Variants in LRRC28 observed in about 807,000 individuals in gnomAD.
The protein encoded by LRRC28 is leucine rich repeat containing 28.
In LRRC28, 39 loss-of-function variants were observed where a neutral mutation model predicts 45.7. The ratio of observed to expected loss-of-function variants is 0.85; its 90% CI spans 0.66 to 1.12. LRRC28 has a LOEUF of 1.12. Among genes scored for constraint, LRRC28 ranks in the 50% most tolerant of loss-of-function variants. The pLI, the probability that LRRC28 is intolerant of heterozygous loss-of-function variation, is 0.00. For synonymous variants in LRRC28, 206 were observed against 178.8 expected, an observed-to-expected ratio of 1.15 and a Z score of -1.22; for missense variants, 435 against 438.5, an observed-to-expected ratio of 0.99 and a Z score of 0.07.
At chr15:99,339,592 G>A (rs537938738) in intron 6 of LRRC28, among the ~76,000 whole-genome samples, 34 of 152,170 alleles carry the variant, frequency 2.2e-4, no homozygotes, top group African/African-American at 7.2e-4. Context: ...TTAGCTGGGT[G>A]TGGTGGCAGA....
Position 99,298,741 on chromosome 15 carries a change from C to A in LRRC28, c.385+10790C>A, listed in dbSNP as rs113270110. On this transcript the variant is annotated intron_variant, in intron 5 of 9. Transcript: ENST00000301981. Reference sequence around the variant, plus strand: ...GGTCTAATTGTGAGATGGAGTCTCGCTCTGTTGCGCAGGCTGGAGTGCAGT... The same window carrying A: ...GGTCTAATTGTGAGATGGAGTCTCGATCTGTTGCGCAGGCTGGAGTGCAGT... Among the ~76,000 whole-genome samples the A allele has an allele frequency of 7.9e-5, 12 of 152,280 alleles. 2 individuals carry two copies. Among genetic ancestry groups the A allele is most frequent in the African/African-American group, 2.9e-4 (12 of 41,558 alleles).
chr15:99,379,238 A>T (rs1957740746), intron 9 of LRRC28, among the ~76,000 whole-genome samples: 1 of 152,092 alleles, frequency 6.6e-6, no homozygotes, highest in Non-Finnish European at 1.5e-5. Flanking sequence ...GTACTCTGGG[A>T]TTCAACTTCT....
chr15:99,270,142 C>T (rs1478443901), intron 2 of LRRC28, among the ~76,000 whole-genome samples: 3 of 152,182 alleles, frequency 2.0e-5, no homozygotes, highest in African/African-American at 7.2e-5. Flanking sequence ...TGCTCAGAAG[C>T]AATGACATCA....
chr15:99,302,094 T>C (rs1390009828), intron 5 of LRRC28, among the ~76,000 whole-genome samples: 1 of 151,606 alleles, frequency 6.6e-6, no homozygotes, highest in South Asian at 2.1e-4. Flanking sequence ...AGGCGCGATC[T>C]CAGCTCACTG....
intron 1 of LRRC28, among the ~76,000 whole-genome samples, chr15:99,253,505 G>A (rs1229498483): frequency 6.6e-6 from 1 of 152,188 alleles, no homozygotes; most frequent in Non-Finnish European, 1.5e-5. Context: ...GTGCTGTTAG[G>A]GGTTTAGTAG....
intron 5 of LRRC28, among the ~76,000 whole-genome samples, chr15:99,292,207 C>T (rs529101907): frequency 1.3e-4 from 20 of 152,180 alleles, no homozygotes; most frequent in Non-Finnish European, 4.4e-5. Context: ...TACTGCCTAT[C>T]CTCCAGGTTT....
intron 6 of LRRC28, among the ~76,000 whole-genome samples, chr15:99,348,246 G>T (rs1372253776): frequency 6.6e-6 from 1 of 151,974 alleles, no homozygotes; most frequent in African/African-American, 2.4e-5. Context: ...TTTGTTAATT[G>T]TTTTCTTTGC....
At chr15:99,298,612 AT>A (rs1028970441) in intron 5 of LRRC28, among the ~76,000 whole-genome samples, 1 of 152,198 alleles carries the variant, frequency 6.6e-6, no homozygotes, top group African/African-American at 2.4e-5. Flanking sequence ...GAATGGGGAC[AT>A]TTTTAAAAAC....
intron 2 of LRRC28, among the ~76,000 whole-genome samples, chr15:99,271,346 T>C (rs1567612256): frequency 6.6e-6 from 1 of 152,018 alleles, no homozygotes; most frequent in Non-Finnish European, 1.5e-5. Flanking sequence ...TGGCACCATC[T>C]TGGCTCACTG....
intron 5 of LRRC28, among the ~76,000 whole-genome samples, chr15:99,296,793 G>A (rs1474223840): frequency 6.6e-6 from 1 of 152,108 alleles, no homozygotes; most frequent in Admixed American, 6.5e-5. Context: ...CTTAAAGGGA[G>A]CTTATAATAT....
At chr15:99,324,043 A>G (rs1166016968) in intron 5 of LRRC28, among the ~76,000 whole-genome samples, 1 of 152,178 alleles carries the variant, frequency 6.6e-6, no homozygotes, top group Non-Finnish European at 1.5e-5. Flanking sequence ...TCTTTTATTT[A>G]TTTGTACAGT....
At chr15:99,286,598 G>GCAC (rs1307194226) in intron 3 of LRRC28, 1 of 152,226 alleles carries the variant, frequency 6.6e-6, no homozygotes, top group African/African-American at 2.4e-5. Context: ...ATTGCAGGAA[G>GCAC]TCTCCACCAG....
intron 6 of LRRC28, among the ~76,000 whole-genome samples, chr15:99,348,124 GTT>G (rs1956754787): frequency 6.6e-6 from 1 of 151,932 alleles, no homozygotes; most frequent in Non-Finnish European, 1.5e-5. Context: ...TAATTGAGTT[GTT>G]TTTCTGCTAT....
At chr15:99,378,584 G>A (rs1398863759) in intron 9 of LRRC28, among the ~76,000 whole-genome samples, 2 of 152,180 alleles carry the variant, frequency 1.3e-5, no homozygotes, top group Non-Finnish European at 2.9e-5. Flanking sequence ...GTGTTGAATA[G>A]GAGTGGTGAG....
intron 5 of LRRC28, among the ~76,000 whole-genome samples, chr15:99,303,170 T>C (rs1955045538): frequency 6.6e-6 from 1 of 152,248 alleles, no homozygotes; most frequent in South Asian, 2.1e-4. Context: ...GTCTTTTTTA[T>C]GGTAGCTATT....
At chr15:99,309,265 C>A (rs553811107) in intron 5 of LRRC28, among the ~76,000 whole-genome samples, 1 of 152,290 alleles carries the variant, frequency 6.6e-6, no homozygotes, top group African/African-American at 2.4e-5. Flanking sequence ...ATTTGTGGAA[C>A]CAACCCCTGG....
At chr15:99,308,234 G>C (rs62023805) in intron 5 of LRRC28, among the ~76,000 whole-genome samples, 1 of 152,062 alleles carries the variant, frequency 6.6e-6, no homozygotes, top group South Asian at 2.1e-4. Context: ...CTTACACAAC[G>C]TGACTTAGTA....
chr15:99,384,630 A>G (rs1369294594), intron 9 of LRRC28: 1 of 152,054 alleles, frequency 6.6e-6, no homozygotes, highest in Non-Finnish European at 1.5e-5. Flanking sequence ...TCACCCCACA[A>G]ACTTGGAATC....
chr15:99,312,256 A>G (rs551268478), intron 5 of LRRC28, among the ~76,000 whole-genome samples: 1 of 152,312 alleles, frequency 6.6e-6, no homozygotes, highest in African/African-American at 2.4e-5. Context: ...TAGGCTACAA[A>G]CCTGTGCAGC....
Sources: allele counts gnomAD v4.1 joint callset (sites outside exome capture counted in the v4.1 genomes callset), GRCh38; gene constraint gnomAD v4.1.1; transcripts MANE v1.5; gene names NCBI Gene and HGNC (gene_info 2026-07-23, HGNC 2026-07-21).